GPR158: variants seen among roughly 807,000 people sequenced by gnomAD.
GPR158 encodes the protein G protein-coupled receptor 158.
In GPR158, 30 loss-of-function variants were observed where a neutral mutation model predicts 78.2. The ratio of observed to expected loss-of-function variants is 0.38; its 90% CI spans 0.29 to 0.52. The LOEUF (loss-of-function observed/expected upper bound fraction) is 0.52. Ranked by LOEUF, GPR158 falls within the 20% of genes least tolerant of loss-of-function variation. The pLI is 0.83. For synonymous variants in GPR158, 581 were observed against 591.1 expected, an observed-to-expected ratio of 0.98 and a Z score of 0.25; for missense variants, 1,463 against 1,523.5, an observed-to-expected ratio of 0.96 and a Z score of 0.66.
At chr10:25,296,053 G>GA (rs71399958) in intron 2 of GPR158, among the ~76,000 whole-genome samples, 15,531 of 138,362 alleles carry the variant, frequency 0.11, 923 homozygotes, top group South Asian at 0.19. Flanking sequence ...GGGCAGGGAG[G>GA]AAAAAAAAAA....
chr10:25,416,644 A>C (rs1313461162), intron 4 of GPR158, among the ~76,000 whole-genome samples: 1 of 152,152 alleles, frequency 6.6e-6, no homozygotes, highest in Non-Finnish European at 1.5e-5. Context: ...TAATATAGGA[A>C]TAAGTTTGTT....
chr10:25,195,238 C>G (rs1051291818), intron 1 of GPR158, among the ~76,000 whole-genome samples: 3 of 151,318 alleles, frequency 2.0e-5, no homozygotes, highest in Non-Finnish European at 4.4e-5. Flanking sequence ...CGGAATCTCA[C>G]TCTGTCACCC....
intron 4 of GPR158, among the ~76,000 whole-genome samples, chr10:25,444,006 C>T (rs569571893): frequency 2.6e-5 from 4 of 152,158 alleles, no homozygotes; most frequent in South Asian, 2.1e-4. Flanking sequence ...CTAGATGATT[C>T]GTTGGTGTGG....
At chr10:25,564,075 G>C (rs979358115) in intron 6 of GPR158, among the ~76,000 whole-genome samples, 4 of 151,886 alleles carry the variant, frequency 2.6e-5, no homozygotes, top group Admixed American at 1.3e-4. Flanking sequence ...TCTTTGTTTT[G>C]TGTGGCCATT....
intron 4 of GPR158, among the ~76,000 whole-genome samples, chr10:25,432,263 A>C (rs1834920492): frequency 7.1e-6 from 1 of 140,042 alleles, no homozygotes; most frequent in South Asian, 2.5e-4. Flanking sequence ...TGCAAATTAA[A>C]GCAATGGCAT....
intron 5 of GPR158, among the ~76,000 whole-genome samples, chr10:25,544,531 ATTATTG>A (rs1342582011): frequency 1.3e-5 from 2 of 152,134 alleles, no homozygotes; most frequent in Non-Finnish European, 2.9e-5. Flanking sequence ...ATGTGTAGCT[ATTATTG>A]TTATTGGTAC....
chr10:25,466,603 G>C (rs779579834), intron 4 of GPR158, 48 bp from the exon 5 acceptor site: 2 of 1,224,560 alleles, frequency 1.6e-6, no homozygotes, highest in South Asian at 2.5e-5. Flanking sequence ...GAATTCTCCA[G>C]GCTTAGAAAT....
chr10:25,472,631 T>G (rs1306576682), intron 5 of GPR158, among the ~76,000 whole-genome samples: 2 of 152,222 alleles, frequency 1.3e-5, no homozygotes, highest in East Asian at 3.9e-4. Flanking sequence ...TGTCCTCTTT[T>G]ATTTCCTTGA....
intron 2 of GPR158, among the ~76,000 whole-genome samples, chr10:25,368,679 T>G (rs1026613347): frequency 6.6e-6 from 1 of 151,772 alleles, no homozygotes; most frequent in Non-Finnish European, 1.5e-5. Context: ...GTGTGGTGAT[T>G]CTTTAAAGAC....
chr10:25,566,424 A>G (rs767440860), intron 6 of GPR158, among the ~76,000 whole-genome samples: 1 of 152,196 alleles, frequency 6.6e-6, no homozygotes, highest in Non-Finnish European at 1.5e-5. Flanking sequence ...TACTCAACCC[A>G]GGAAGCCCAG....
intron 5 of GPR158, among the ~76,000 whole-genome samples, chr10:25,468,772 G>A (rs1219306820): frequency 6.6e-6 from 1 of 152,194 alleles, no homozygotes; most frequent in Non-Finnish European, 1.5e-5. Flanking sequence ...TGGTTATTGT[G>A]TGCCAAGCAC....
chr10:25,438,871 A>G (rs1003817848), intron 4 of GPR158, among the ~76,000 whole-genome samples: 1 of 152,208 alleles, frequency 6.6e-6, no homozygotes, highest in African/African-American at 2.4e-5. Context: ...GCTTGCTGCC[A>G]TTTAGAAAAA....
chr10:25,235,948 A>C (rs949007876), intron 2 of GPR158, among the ~76,000 whole-genome samples: 1 of 151,958 alleles, frequency 6.6e-6, no homozygotes, highest in Non-Finnish European at 1.5e-5. Context: ...TGCCCGCCTC[A>C]GCCCCCCAAA....
chr10:25,393,346 T>A lies in GPR158; in HGVS notation c.1009-2565T>A, dbSNP rs183352988. On this transcript the variant is annotated intron_variant, in intron 2 of 10. Coordinates refer to ENST00000376351, the MANE Select transcript of GPR158 (RefSeq NM_020752.3). Reference sequence around the variant, plus strand: ...ACCTCTGAATTTCAGCAAGGTAAAATATTTCAAGAATTCTAATGTAGTCTT... The same window carrying A: ...ACCTCTGAATTTCAGCAAGGTAAAAAATTTCAAGAATTCTAATGTAGTCTT... Among the ~76,000 whole-genome samples, 5 of 152,344 alleles carry A rather than the reference T, an allele frequency of 3.3e-5. No homozygotes were observed. The East Asian group carries it at 9.6e-4, about 29-fold the overall frequency.
chr10:25,576,424 A>G (rs1049234886), intron 7 of GPR158, among the ~76,000 whole-genome samples: 1 of 152,176 alleles, frequency 6.6e-6, no homozygotes, highest in East Asian at 1.9e-4. Context: ...TACTCCTCCT[A>G]AATTCTGCTC....
rs555855951 is a variant in GPR158 at position 25,326,300 on chromosome 10, G to A, written c.1009-69611G>A. Among the ~76,000 whole-genome samples, 3 of 152,182 alleles carry A rather than the reference G, an allele frequency of 2.0e-5. No individual in the cohort carries two copies. In the East Asian group the frequency reaches 5.8e-4, roughly 29 times the overall value. On this transcript the variant is annotated intron_variant, in intron 2 of 10. Transcript: ENST00000376351. ...GGACATGATATTATTCCTTTTTATGGCTGCATAGTATTCCATGGTGTATAT... is the reference window on the plus strand; with the variant it reads ...GGACATGATATTATTCCTTTTTATGACTGCATAGTATTCCATGGTGTATAT...
At chr10:25,297,004 G>A (rs1319713023) in intron 2 of GPR158, among the ~76,000 whole-genome samples, 1 of 152,108 alleles carries the variant, frequency 6.6e-6, no homozygotes, top group African/African-American at 2.4e-5. Flanking sequence ...TCTTCCTTTG[G>A]CATATTTTTG....
chr10:25,236,372 G>C (rs1290644251), intron 2 of GPR158, among the ~76,000 whole-genome samples: 2 of 152,184 alleles, frequency 1.3e-5, no homozygotes, highest in Non-Finnish European at 1.5e-5. Context: ...GCTGGGCGTG[G>C]TGGTGGGTGC....
intron 8 of GPR158, 28 bp from the exon 9 acceptor site, chr10:25,594,264 T>A: frequency 9.5e-7 from 1 of 1,048,352 alleles, no homozygotes; most frequent in South Asian, 1.3e-5. Flanking sequence ...TAATCTTGGA[T>A]TGTTAACTCA....
Sources: gnomAD v4.1 joint callset for allele counts (sites outside exome capture counted in the v4.1 genomes callset) on GRCh38, gnomAD v4.1.1 for gene constraint, MANE v1.5 for transcripts, NCBI Gene and HGNC (gene_info 2026-07-23, HGNC 2026-07-21) for gene names.